The following TRHDE variants were observed in gnomAD, a reference collection of about 807,000 sequenced individuals.
The protein encoded by TRHDE is thyrotropin releasing hormone degrading enzyme, also known as thyrotropin-releasing hormone-degrading ectoenzyme.
A neutral mutation model predicts 125.7 loss-of-function variants in TRHDE; 72 were observed. The ratio of observed to expected loss-of-function variants is 0.57; its 90% CI spans 0.47 to 0.70. The LOEUF (loss-of-function observed/expected upper bound fraction) is 0.70. TRHDE is among the 30% of genes least tolerant of loss of function. The pLI, the probability that TRHDE is intolerant of heterozygous loss-of-function variation, is 0.00. For missense variants in TRHDE, 1,110 were observed against 1,327.1 expected (o/e 0.84, Z 2.54); for synonymous variants, 509 against 509.1 (o/e 1.00, Z 0.00).
rs371941352 is a variant in TRHDE, at chr12:72,373,768, G to A, written c.1189-4227G>A. ...CCTTGATCGAGAATCTCTCTGGTAT[G>A]TTTGAGGAGTGAAAAGGAAGCTAGT... On this transcript the variant is annotated intron_variant, in intron 2 of 18. Coordinates refer to ENST00000261180, the MANE Select transcript of TRHDE (RefSeq NM_013381.3). Among the ~76,000 whole-genome samples the A allele has an allele frequency of 5.3e-5, 8 of 152,256 alleles. No homozygotes were observed. In the South Asian group the frequency reaches 1.2e-3, roughly 24 times the overall value.
At chr12:72,512,717 G>A (rs1010311259) in intron 6 of TRHDE, among the ~76,000 whole-genome samples, 1 of 147,242 alleles carries the variant, frequency 6.8e-6, no homozygotes, top group African/African-American at 2.5e-5. Context: ...GAATTCTATA[G>A]TACTTAGAAA....
chr12:72,597,582 C>T (rs1171922347), intron 12 of TRHDE, among the ~76,000 whole-genome samples: 2 of 148,098 alleles, frequency 1.4e-5, no homozygotes, highest in East Asian at 2.0e-4. Flanking sequence ...GCGGGAGAAT[C>T]GCTTGAACCT....
At chr12:72,603,521 C>G (rs944301529) in intron 12 of TRHDE, among the ~76,000 whole-genome samples, 2 of 151,922 alleles carry the variant, frequency 1.3e-5, no homozygotes, top group African/African-American at 4.8e-5. Flanking sequence ...GTCAGGAGAT[C>G]GAGACCATCC....
At chr12:72,237,084 A>G (rs1196402250) in intron 2 of TRHDE, among the ~76,000 whole-genome samples, 2 of 152,182 alleles carry the variant, frequency 1.3e-5, no homozygotes, top group Non-Finnish European at 2.9e-5. Context: ...GTGTATCAAT[A>G]TCCATATTTT....
intron 2 of TRHDE, among the ~76,000 whole-genome samples, chr12:72,302,218 T>G (rs1868271840): frequency 6.8e-6 from 1 of 148,136 alleles, no homozygotes; most frequent in Non-Finnish European, 1.5e-5. Context: ...CCTAAATGTT[T>G]CTATGATTAT....
chr12:72,260,406 C>T (rs1195315142), intron 2 of TRHDE, among the ~76,000 whole-genome samples: 1 of 151,996 alleles, frequency 6.6e-6, no homozygotes, highest in East Asian at 1.9e-4. Flanking sequence ...GCTCTGGTGA[C>T]AAGTTTCTAG....
At chr12:72,520,327 G>C (rs372923725) in intron 6 of TRHDE, among the ~76,000 whole-genome samples, 1 of 152,222 alleles carries the variant, frequency 6.6e-6, no homozygotes, top group Non-Finnish European at 1.5e-5. Flanking sequence ...AGCCAGGTGC[G>C]GGATATAATC....
At chr12:72,548,907 C>G (rs963771395) in intron 7 of TRHDE, among the ~76,000 whole-genome samples, 8 of 151,768 alleles carry the variant, frequency 5.3e-5, no homozygotes, top group Non-Finnish European at 1.2e-4. Flanking sequence ...AAACTCAAAG[C>G]CTAAAATCCC....
intron 2 of TRHDE, among the ~76,000 whole-genome samples, chr12:72,288,440 AC>A (rs1257072212): frequency 6.6e-6 from 1 of 152,144 alleles, no homozygotes; most frequent in Admixed American, 6.5e-5. Context: ...TTTTAAATGC[AC>A]ACTTCTTAGA....
At chr12:72,296,636 G>A (rs1880310936) in intron 2 of TRHDE, among the ~76,000 whole-genome samples, 1 of 152,136 alleles carries the variant, frequency 6.6e-6, no homozygotes, top group Admixed American at 6.6e-5. Context: ...CACCTCTGCT[G>A]CATGAGAGAA....
In TRHDE at chr12:72,562,877, G is replaced by T. The variant is rs1238790770; in HGVS notation, c.1879G>T (p.Val627Leu). ...SEALKRNGKYVNIQEVMDQWT... is the reference protein window; with the variant it reads ...SEALKRNGKYLNIQEVMDQWT... ...GGCTTTAAAAAGAAATGGGAAATAT[G>T]TAAATATACAAGAAGTAATGGATCA... Residue 627 changes from valine to leucine, a missense_variant, in exon 9 of 19, where the codon GTA becomes TTA. Coordinates refer to ENST00000261180, the MANE Select transcript of TRHDE (RefSeq NM_013381.3). The T allele has an allele frequency of 1.3e-6, 2 of 1,581,338 alleles. No individual in the cohort carries two copies. Among genetic ancestry groups the T allele is most frequent in the South Asian group, 2.4e-5 (2 of 83,496 alleles).
chr12:72,182,111 C>T (rs1207321737), intron 2 of TRHDE, among the ~76,000 whole-genome samples: 1 of 151,934 alleles, frequency 6.6e-6, no homozygotes, highest in African/African-American at 2.4e-5. Flanking sequence ...ATTTTAGAGC[C>T]CTGAAATGTT....
intron 6 of TRHDE, among the ~76,000 whole-genome samples, chr12:72,516,306 C>T: frequency 6.6e-6 from 1 of 151,976 alleles, no homozygotes; most frequent in East Asian, 1.9e-4. Context: ...TGTTTGTATC[C>T]TCTTTTATTT....
chr12:72,303,066 CCTT>C (rs1215863454), intron 2 of TRHDE: 1 of 152,154 alleles, frequency 6.6e-6, no homozygotes, highest in African/African-American at 2.4e-5. Flanking sequence ...GGTGGTGACT[CCTT>C]CTGGAGGTGT....
intron 2 of TRHDE, among the ~76,000 whole-genome samples, chr12:72,149,414 G>A (rs1287170646): frequency 2.0e-5 from 3 of 152,100 alleles, no homozygotes; most frequent in Non-Finnish European, 4.4e-5. Context: ...GAGCCATCTG[G>A]TATTGCTTAA....
intron 6 of TRHDE, among the ~76,000 whole-genome samples, chr12:72,514,997 A>G (rs2135953435): frequency 6.7e-6 from 1 of 148,312 alleles, no homozygotes; most frequent in South Asian, 2.2e-4. Context: ...ATAGTATTCC[A>G]TGGTGTATAT....
At chr12:72,215,021 G>A (rs1304379659) in intron 2 of TRHDE, among the ~76,000 whole-genome samples, 5 of 152,156 alleles carry the variant, frequency 3.3e-5, no homozygotes, top group African/African-American at 1.2e-4. Flanking sequence ...TGTGGTCCGT[G>A]TGAAGAGACC....
intron 2 of TRHDE, among the ~76,000 whole-genome samples, chr12:72,138,235 C>A (rs945297176): frequency 6.6e-6 from 1 of 152,136 alleles, no homozygotes; most frequent in East Asian, 1.9e-4. Context: ...ATTAGCCACA[C>A]GTGGTGGTAC....
intron 2 of TRHDE, among the ~76,000 whole-genome samples, chr12:72,219,538 A>G (rs1877961816): frequency 6.6e-6 from 1 of 152,082 alleles, no homozygotes; most frequent in Non-Finnish European, 1.5e-5. Flanking sequence ...CCTTGAACCA[A>G]TCCCTTTCCC....
Sources: gnomAD v4.1 joint callset for allele counts (sites outside exome capture counted in the v4.1 genomes callset) on GRCh38, gnomAD v4.1.1 for gene constraint, MANE v1.5 for transcripts, NCBI Gene and HGNC (gene_info 2026-07-23, HGNC 2026-07-21) for gene names.